BRD9: variants seen among roughly 807,000 people sequenced by gnomAD.
BRD9 encodes the protein bromodomain-containing protein 9.
Under a neutral mutation model 68.7 loss-of-function variants are expected in BRD9, and 47 were observed. The ratio of observed to expected loss-of-function variants is 0.68; its 90% CI spans 0.54 to 0.87. The LOEUF (loss-of-function observed/expected upper bound fraction) is 0.87, where lower values mean the gene tolerates loss of function less well. BRD9 is among the 40% of genes least tolerant of loss of function. The probability of loss-of-function intolerance (pLI) is 0.00; values close to 1 mark genes in which losing one functional copy is unlikely to be tolerated. For synonymous variants in BRD9, 313 were observed against 293.9 expected (o/e 1.06, Z -0.67); for missense variants, 670 against 748.4 (o/e 0.90, Z 1.22).
In BRD9 at chr5:892,608, T is replaced by C. The variant is rs967071210; in HGVS notation, c.50A>G (p.Glu17Gly). Residue 17 changes from glutamate to glycine, a missense_variant and splice_region_variant, in exon 1 of 16, where the codon GAG becomes GGG. By Grantham distance (98) the Glu-to-Gly change is moderately conservative. This residue lies in a region of BRD9 where 161 missense variants were observed against 148.1 expected (regional missense o/e 1.09). Transcript: ENST00000467963. ...GTCACAAAGCGCCGCCGCCTCACCC[T>C]CGTAGGACGAGCGCCACTCGGCCTT... is the stretch of plus-strand genomic sequence containing the variant. Reference protein sequence around the residue: ...KHKAEWRSSYEDYADKPLEKP... With the variant: ...KHKAEWRSSYGDYADKPLEKP... 36 of 1,531,082 alleles carry C rather than the reference T, an allele frequency of 2.4e-5. 1 individual carries two copies. In the Middle Eastern group the frequency reaches 1.0e-3, roughly 44 times the overall value. The allele number at this position is 1,531,082 out of a possible 1,614,324, so 94.8% of individuals were successfully genotyped here.
chr5:891,435 G>A (rs1753382009), intron 2 of BRD9, 148 bp from the exon 3 acceptor site: 2 of 1,348,642 alleles, frequency 1.5e-6, no homozygotes, highest in Non-Finnish European at 2.0e-6. Context: ...CCTCCTCACA[G>A]AGACCCTGGC....
In BRD9 at chr5:892,696, C is replaced by G. The variant is rs769412286; in HGVS notation, c.-39G>C. 2 of 1,359,448 alleles carry G rather than the reference C, an allele frequency of 1.5e-6. No individual in the cohort carries two copies. The highest frequency in any genetic ancestry group is 3.7e-5 in the South Asian group (2 of 54,646). The allele number at this position is 1,359,448 out of a possible 1,614,324, so 84.2% of individuals were successfully genotyped here. On this transcript the variant is annotated 5_prime_UTR_variant, in exon 1 of 16. Transcript: ENST00000467963. ...GCGGGCCCGAGGCGGGGGCTGGGAA[C>G]AGCTGGCACCCGGTCGGACCTTGGC...
chr5:876,493 A>T (rs1192627734), intron 11 of BRD9, among the ~76,000 whole-genome samples: 1 of 152,172 alleles, frequency 6.6e-6, no homozygotes, highest in South Asian at 2.1e-4. Context: ...ATCATCTGTA[A>T]AAGAATACTC....
intron 4 of BRD9, 66 bp downstream of exon 4, chr5:889,521 A>G (rs1306581490): frequency 1.3e-6 from 2 of 1,544,320 alleles, no homozygotes; most frequent in Non-Finnish European, 8.9e-7. Flanking sequence ...CGTGGGGAAT[A>G]AGGCCTCAGA....
In BRD9 at chr5:892,619, G is replaced by C; in HGVS notation, c.39C>G (p.Arg13=). 1.3e-6 allele frequency: 2 copies of C among 1,524,834 alleles called. No homozygotes were observed. Among genetic ancestry groups the C allele is most frequent in the Non-Finnish European group, 1.8e-6 (2 of 1,135,726 alleles). 94.5% of individuals were successfully genotyped at this position (1,524,834 alleles called of 1,614,324 possible). A position where few individuals can be genotyped will look rare whatever the true frequency, so the allele number is the denominator to read the frequency against. ...CCGCCGCCTCACCCTCGTAGGACGAGCGCCACTCGGCCTTGTGCTTCTTGT... is the reference window on the plus strand; with the variant it reads ...CCGCCGCCTCACCCTCGTAGGACGACCGCCACTCGGCCTTGTGCTTCTTGT... ...KKHKKHKAEW[R]SSYEDYADKP... Residue 13 remains arginine (R), a synonymous_variant, in exon 1 of 16, where the codon CGC becomes CGG. Coordinates refer to ENST00000467963, the MANE Select transcript of BRD9 (RefSeq NM_023924.5).
At chr5:882,500 C>T (rs1751922785) in intron 8 of BRD9, 3 of 164,458 alleles carry the variant, frequency 1.8e-5, no homozygotes, top group South Asian at 2.6e-4. Flanking sequence ...ACACGTGAGC[C>T]ACACAGACCA....
At chr5:870,924 CAG>C (rs1349129056) in intron 13 of BRD9, among the ~76,000 whole-genome samples, 1 of 152,374 alleles carries the variant, frequency 6.6e-6, no homozygotes, top group Middle Eastern at 3.4e-3. Context: ...AGGCACTTCA[CAG>C]AGCACACAAC....
chr5:884,886 T>TA (rs1752317879), intron 7 of BRD9, among the ~76,000 whole-genome samples: 1 of 152,226 alleles, frequency 6.6e-6, no homozygotes, highest in Admixed American at 6.5e-5. Flanking sequence ...GCTGTGACAC[T>TA]AGGTGAAGGT....
intron 1 of BRD9, chr5:892,143 G>A (rs554357450): frequency 2.4e-5 from 11 of 461,338 alleles, no homozygotes; most frequent in South Asian, 1.6e-4. Context: ...GATTAAGAGG[G>A]ACCTGGAACC....
intron 8 of BRD9, chr5:883,539 CCTA>C (rs759457110): frequency 2.6e-4 from 112 of 423,884 alleles, no homozygotes; most frequent in Admixed American, 2.7e-4. Context: ...CAGTCGGTGG[CCTA>C]TTATGGACCA....
intron 9 of BRD9, among the ~76,000 whole-genome samples, chr5:880,632 T>C (rs1386932332): frequency 6.6e-6 from 1 of 152,152 alleles, no homozygotes; most frequent in African/African-American, 2.4e-5. Flanking sequence ...CTTAATTACT[T>C]CCAGGCCAAC....
chr5:889,550 C>T (rs754929244), intron 4 of BRD9, 37 bp downstream of exon 4: 1 of 1,608,744 alleles, frequency 6.2e-7, no homozygotes, highest in Admixed American at 1.7e-5. Context: ...CACCACACCC[C>T]CCCAGACACT....
At chr5:886,949 C>T in intron 6 of BRD9, 1 of 602,976 alleles carries the variant, frequency 1.7e-6, no homozygotes, top group South Asian at 2.0e-5. Context: ...GCAGGTGCCG[C>T]ACCTCCCCTT....
At chr5:872,650 T>A (rs10059936) in intron 12 of BRD9, among the ~76,000 whole-genome samples, 1 of 152,136 alleles carries the variant, frequency 6.6e-6, no homozygotes, top group Non-Finnish European at 1.5e-5. Context: ...AGAAATCTGC[T>A]TGGGGACTCC....
At chr5:865,704 T>A in intron 14 of BRD9, 123 bp from the exon 15 acceptor site, 1 of 1,107,422 alleles carries the variant, frequency 9.0e-7, no homozygotes, top group Non-Finnish European at 1.3e-6. Context: ...CTCTGGAAAC[T>A]GAGTGGACGA....
intron 7 of BRD9, among the ~76,000 whole-genome samples, chr5:885,742 C>T (rs1293438623): frequency 1.3e-5 from 2 of 152,238 alleles, no homozygotes; most frequent in Admixed American, 1.3e-4. Flanking sequence ...GCAAGTGACA[C>T]GTGATGAAGC....
rs922824174 is a variant in BRD9 at position 878,228 on chromosome 5, A to G, written c.1271+127T>C. 46 of 1,360,614 alleles carry G rather than the reference A, an allele frequency of 3.4e-5. No individual in the cohort carries two copies. In the East Asian group the frequency reaches 5.6e-4, roughly 16 times the overall value. 84.3% of individuals were successfully genotyped at this position (1,360,614 alleles called of 1,614,324 possible). Reference sequence around the variant, plus strand: ...ATGACTGAAAGCAACGGGAAGACCCAGGCTGCCATATGGACGGCTGCAAGA... The same window carrying G: ...ATGACTGAAAGCAACGGGAAGACCCGGGCTGCCATATGGACGGCTGCAAGA... On this transcript the variant is annotated intron_variant, in intron 11 of 15. Transcript: ENST00000467963.
At chr5:884,681 A>T (rs1366767885) in intron 7 of BRD9, among the ~76,000 whole-genome samples, 1 of 152,246 alleles carries the variant, frequency 6.6e-6, no homozygotes, top group African/African-American at 2.4e-5. Flanking sequence ...CACCCTGGGC[A>T]CTTGCCTGGG....
At chr5:870,413 G>T in intron 14 of BRD9, 60 bp downstream of exon 14, 1 of 1,341,388 alleles carries the variant, frequency 7.5e-7, no homozygotes, top group Non-Finnish European at 1.1e-6. Context: ...GAGGCCGTGT[G>T]TTTTCTTCCT....
Sources: gnomAD v4.1 joint callset for allele counts (sites outside exome capture counted in the v4.1 genomes callset) on GRCh38, gnomAD v4.1.1 for gene constraint, gnomAD v4.1.1 regional missense constraint, MANE v1.5 for transcripts, NCBI Gene and HGNC (gene_info 2026-07-23, HGNC 2026-07-21) for gene names.